CC2D1B: variants seen among roughly 807,000 people sequenced by gnomAD.
The protein encoded by CC2D1B is coiled-coil and C2 domain-containing protein 1B.
CC2D1B carries 92 observed loss-of-function variants against 110.8 expected under a neutral mutation model. That is an observed-to-expected ratio of 0.83 (90% CI 0.70 to 0.99). The LOEUF (loss-of-function observed/expected upper bound fraction) is 0.99. Ranked by LOEUF, CC2D1B falls within the 50% of genes least tolerant of loss-of-function variation. The pLI, the probability that CC2D1B is intolerant of heterozygous loss-of-function variation, is 0.00. For synonymous variants in CC2D1B, 406 were observed against 429.2 expected (o/e 0.95, Z 0.67); for missense variants, 1,136 against 1,089.0 (o/e 1.04, Z -0.61).
At position 52,361,579 on chromosome 1, in the gene CC2D1B, TGCCGCCAACTTCTCGATGTGG is replaced by T. The variant is rs1646783745; in HGVS notation, c.231_251del (p.His78_Ala84del). 6.2e-7 allele frequency: 1 copy of T among 1,613,862 alleles called. No homozygotes were observed. Among genetic ancestry groups the T allele is most frequent in the Non-Finnish European group, 8.5e-7 (1 of 1,180,004 alleles). ...CCTCCTCCACATCCCGCATACAGTC[TGCCGCCAACTTCTCGATGTGG>T]GCCATGGGCAGGGGGGCTGGGGGAA... On this transcript the variant is annotated inframe_deletion, in exon 4 of 25. Transcript: ENST00000284376.
chr1:52,353,699 G>A (rs1646578232), intron 23 of CC2D1B, 52 bp from the exon 24 acceptor site: 2 of 1,366,128 alleles, frequency 1.5e-6, no homozygotes, highest in Middle Eastern at 1.8e-4. Context: ...GAGATGGGGA[G>A]CAGGCAGGTC....
At position 52,356,942 on chromosome 1, in the gene CC2D1B, C is replaced by A. The variant is rs549675712; in HGVS notation, c.1878+59G>T. The stretch of plus-strand genomic sequence containing the variant: ...GGGCTGTGTGGTCTGAGCTCCAGGT[C>A]TTCCTCCACGGGGAGGCTGTGGGCA... On this transcript the variant is annotated intron_variant, in intron 16 of 24. Transcript: ENST00000284376. 22 of 1,512,852 alleles carry A rather than the reference C, an allele frequency of 1.5e-5. 1 individual carries two copies. The South Asian group carries it at 2.3e-4, about 16-fold the overall frequency. 93.7% of individuals were successfully genotyped at this position (1,512,852 alleles called of 1,614,324 possible).
chr1:52,364,111 A>G (rs1454427887), intron 2 of CC2D1B, among the ~76,000 whole-genome samples: 2 of 152,178 alleles, frequency 1.3e-5, no homozygotes, highest in African/African-American at 4.8e-5. Flanking sequence ...CTGCCTTTTT[A>G]AAGACAGTAA....
Position 52,352,962 on chromosome 1 carries a change from T to C in CC2D1B, c.*263A>G, listed in dbSNP as rs1488572648. 2.8e-6 allele frequency: 1 copy of C among 357,200 alleles called. No homozygotes were observed. The highest frequency in any genetic ancestry group is 2.1e-5 in the African/African-American group (1 of 46,518). The allele number at this position is 357,200 out of a possible 1,614,324, so 22.1% of individuals were successfully genotyped here. On this transcript the variant is annotated 3_prime_UTR_variant, in exon 25 of 25. Transcript: ENST00000284376. ...ACTCCATGGTACAGAGGAATGGAAG[T>C]GTCCTTGCCCTCTTCCAGACTCGGG...
At chr1:52,360,914 C>A (rs1044696391) in intron 5 of CC2D1B, 60 bp downstream of exon 5, 1 of 1,591,284 alleles carries the variant, frequency 6.3e-7, no homozygotes. Flanking sequence ...AGGCCACACA[C>A]GTGTTACGTC....
rs202162096 is a variant in CC2D1B, at chr1:52,361,058, G to A, written c.393C>T (p.Gly131=). The part of the protein sequence containing the change: ...PLDGDEVADP[G]GSEEENGLED... ...CTAGGCCGTTCTCCTCCTCAGAGCC[G>A]CCTGGGTCAGCTACCTCATCACCAT... Residue 131 remains glycine (G), a synonymous_variant, in exon 5 of 25, where the codon GGC becomes GGT. Coordinates refer to ENST00000284376, the MANE Select transcript of CC2D1B (RefSeq NM_001330585.2). 3.5e-5 allele frequency: 56 copies of A among 1,613,942 alleles called. No homozygotes were observed. The highest frequency in any genetic ancestry group is 1.3e-4 in the Admixed American group (8 of 59,992).
At chr1:52,357,505 G>T (rs1355787347) in intron 15 of CC2D1B, 21 bp downstream of exon 15, 1 of 1,556,474 alleles carries the variant, frequency 6.4e-7, no homozygotes, top group Non-Finnish European at 8.7e-7. Flanking sequence ...AAGTCCTGGT[G>T]GTTAACCAGG....
rs1646627831 is a variant in CC2D1B at position 52,355,452 on chromosome 1, A to G, written c.2188-3T>C. 1.2e-6 allele frequency: 2 copies of G among 1,614,002 alleles called. No homozygotes were observed. The highest frequency in any genetic ancestry group is 1.7e-5 in the Admixed American group (1 of 59,998). The stretch of plus-strand genomic sequence containing the variant: ...GTTTTGCTTTTTTGAGCCTGGTCCT[A>G]AGCAGTGAGGAGGGAGAAGTCAGGA... On this transcript the variant is annotated splice_polypyrimidine_tract_variant and splice_region_variant and intron_variant, in intron 20 of 24. Transcript: ENST00000284376.
chr1:52,358,198 C>A (rs1488893868), intron 13 of CC2D1B, 133 bp downstream of exon 13: 5 of 1,317,138 alleles, frequency 3.8e-6, no homozygotes, highest in Non-Finnish European at 5.1e-6. Context: ...TGTCCTTGGG[C>A]AAGTTTTTTC....
intron 23 of CC2D1B, chr1:52,354,223 G>A (rs1324566555): frequency 1.3e-5 from 5 of 386,366 alleles, no homozygotes; most frequent in East Asian, 1.3e-4. Context: ...GCTACAGTGG[G>A]AAGAGCCCCA....
chr1:52,363,468 C>T (rs1036218027), intron 2 of CC2D1B, among the ~76,000 whole-genome samples: 1 of 151,802 alleles, frequency 6.6e-6, no homozygotes, highest in Non-Finnish European at 1.5e-5. Flanking sequence ...AATTTACCAT[C>T]TTAACCACTG....
chr1:52,353,944 A>G, intron 23 of CC2D1B: 1 of 311,508 alleles, frequency 3.2e-6, no homozygotes. Context: ...TTGAAGAAGC[A>G]GCCTTCCACT....
chr1:52,353,722 G>GGAAA (rs1557538808), intron 23 of CC2D1B, 75 bp from the exon 24 acceptor site: 3 of 1,112,554 alleles, frequency 2.7e-6, no homozygotes, highest in Non-Finnish European at 3.9e-6. Context: ...TACATTCCCA[G>GGAAA]GAAAGAAGTG....
In CC2D1B at chr1:52,351,883, CAA is replaced by C. The variant is rs60552348; in HGVS notation, c.*1340_*1341del. The C allele has an allele frequency of 0.016, 1,129 of 71,358 alleles. 38 individuals are homozygous for C. The East Asian group carries it at 0.18, about 11-fold the overall frequency. 4.4% of individuals were successfully genotyped at this position (71,358 alleles called of 1,614,324 possible). A position where few individuals can be genotyped will look rare whatever the true frequency, so the allele number is the denominator to read the frequency against. ...TGGCTGGCAGAGAGCTACTCTGTCT[CAA>C]AAAAAAAAAAAAAAAAAAAATCGGC... On this transcript the variant is annotated 3_prime_UTR_variant, in exon 25 of 25. Transcript: ENST00000284376.
chr1:52,358,449 A>T lies in CC2D1B; in HGVS notation c.1343T>A (p.Ile448Asn), dbSNP rs201555023. 6 of 1,613,666 alleles carry T rather than the reference A, an allele frequency of 3.7e-6. No individual in the cohort carries two copies. Among genetic ancestry groups the T allele is most frequent in the Non-Finnish European group, 5.1e-6 (6 of 1,179,962 alleles). The change falls in exon 13 of 25, where the codon ATC (isoleucine) becomes AAC (asparagine). Residue 448 changes from isoleucine (I) to asparagine (N), a missense_variant. Ile to Asn is a moderately radical substitution (Grantham distance 149). Transcript: ENST00000284376. Reference protein sequence around the residue: ...ELPVPPGFPPIPGLESTMGVE... With the variant: ...ELPVPPGFPPNPGLESTMGVE... ...ACCCATAGTGGACTCCAGGCCAGGG[A>T]TGGGGGGAAATCCTGTGGGAGAGAG... is the stretch of plus-strand genomic sequence containing the variant.
At chr1:52,360,314 C>A in intron 6 of CC2D1B, 81 bp from the exon 7 acceptor site, 1 of 1,596,174 alleles carries the variant, frequency 6.3e-7, no homozygotes, top group South Asian at 1.1e-5. Flanking sequence ...GGGTGGCCCC[C>A]CAACCCCCAA....
At chr1:52,362,273 T>C (rs529109963) in intron 3 of CC2D1B, among the ~76,000 whole-genome samples, 19 of 152,372 alleles carry the variant, frequency 1.2e-4, no homozygotes, top group African/African-American at 4.6e-4. Flanking sequence ...CTTAACTCGC[T>C]GGACACAATT....
rs1646633500 is a variant in CC2D1B, at chr1:52,355,675, G to A, written c.2129-9C>T. 4 of 1,614,194 alleles carry A rather than the reference G, an allele frequency of 2.5e-6. No individual in the cohort carries two copies. Among genetic ancestry groups the A allele is most frequent in the African/African-American group, 2.7e-5 (2 of 75,044 alleles). On this transcript the variant is annotated splice_polypyrimidine_tract_variant and intron_variant, in intron 19 of 24. Coordinates refer to ENST00000284376, the MANE Select transcript of CC2D1B (RefSeq NM_001330585.2). ...GTCATCGGGAGTCACCCCTGGGAAGGAGAAAAGGGAGTCAAGTCAGAGGGA... is the reference window on the plus strand; with the variant it reads ...GTCATCGGGAGTCACCCCTGGGAAGAAGAAAAGGGAGTCAAGTCAGAGGGA...
intron 10 of CC2D1B, 35 bp downstream of exon 10, chr1:52,359,215 G>T (rs1469242381): frequency 6.2e-7 from 1 of 1,611,044 alleles, no homozygotes; most frequent in South Asian, 1.1e-5. Context: ...AATGCCTGCA[G>T]GTCCCCACGC....
Sources: allele counts gnomAD v4.1 joint callset (sites outside exome capture counted in the v4.1 genomes callset), GRCh38; gene constraint gnomAD v4.1.1; transcripts MANE v1.5; gene names NCBI Gene and HGNC (gene_info 2026-07-23, HGNC 2026-07-21).